Variants in DDX42 observed in about 807,000 individuals in gnomAD.
DDX42 encodes the protein DEAD-box helicase 42.
In DDX42, 22 loss-of-function variants were observed where a neutral mutation model predicts 101.5. That is an observed-to-expected ratio of 0.22 (90% CI 0.15 to 0.31). The LOEUF (loss-of-function observed/expected upper bound fraction) is 0.31. Among genes scored for constraint, DDX42 ranks in the 10% least tolerant of loss-of-function variants. DDX42 has a pLI of 1.00. For synonymous variants in DDX42, 402 were observed against 401.2 expected (o/e 1.00, Z -0.02); for missense variants, 849 against 1,199.9 (o/e 0.71, Z 4.32).
In DDX42 at chr17:63,785,738, A is replaced by G. The variant is rs145609159; in HGVS notation, c.-16-1296A>G. 5.7e-4 allele frequency among the ~76,000 whole-genome samples: 87 copies of G among 152,338 alleles called. 1 individual carries two copies. The East Asian group carries it at 0.014, about 25-fold the overall frequency. On this transcript the variant is annotated intron_variant, in intron 1 of 17. Transcript: ENST00000389924. ...ACAGGCTAACTGAATACTTCAGGCA[A>G]CATGTCAGTGAATCATAGTTTCTTC...
chr17:63,789,223 T>C (rs868210085), intron 2 of DDX42, among the ~76,000 whole-genome samples: 14 of 150,796 alleles, frequency 9.3e-5, no homozygotes, highest in Non-Finnish European at 1.5e-4. Flanking sequence ...GGATTACAGG[T>C]GCCTGCCACC....
intron 2 of DDX42, among the ~76,000 whole-genome samples, chr17:63,790,146 C>T (rs375129337): frequency 6.6e-6 from 1 of 151,692 alleles, no homozygotes. Flanking sequence ...GACTCTGTCT[C>T]TAAAAAAACA....
Position 63,818,430 on chromosome 17 carries a change from C to A in DDX42, c.*32C>A. 1 of 1,580,214 alleles carries A rather than the reference C, an allele frequency of 6.3e-7. No individual in the cohort carries two copies. The highest frequency in any genetic ancestry group is 1.1e-5 in the South Asian group (1 of 87,748). On this transcript the variant is annotated 3_prime_UTR_variant, in exon 18 of 18. Transcript: ENST00000389924. The stretch of plus-strand genomic sequence containing the variant: ...TGTGCTAAAGCGTGAAATCAGTTGT[C>A]CTTAATTTTTAGAAAGATTTTGGTA...
chr17:63,809,537 T>A, intron 10 of DDX42, 23 bp from the exon 11 acceptor site: 2 of 1,594,702 alleles, frequency 1.3e-6, no homozygotes, highest in Non-Finnish European at 8.6e-7. Context: ...TTATACTTAC[T>A]GTTCATTTTG....
chr17:63,806,478 T>C, intron 7 of DDX42, 57 bp from the exon 8 acceptor site: 1 of 1,537,084 alleles, frequency 6.5e-7, no homozygotes, highest in South Asian at 1.2e-5. Flanking sequence ...TTGTTGAACT[T>C]CAAATGCTGT....
intron 6 of DDX42, among the ~76,000 whole-genome samples, chr17:63,804,439 A>G (rs992651714): frequency 4.6e-5 from 7 of 152,198 alleles, no homozygotes; most frequent in African/African-American, 1.4e-4. Context: ...TTTAAAAGTT[A>G]TAAACAACTC....
At chr17:63,785,258 C>T (rs546340477) in intron 1 of DDX42, among the ~76,000 whole-genome samples, 6 of 148,338 alleles carry the variant, frequency 4.0e-5, no homozygotes, top group African/African-American at 1.2e-4. Context: ...CACTTGAGGC[C>T]AGGAGTTCCA....
intron 1 of DDX42, among the ~76,000 whole-genome samples, chr17:63,779,329 T>A (rs1335371194): frequency 6.6e-6 from 1 of 152,176 alleles, no homozygotes; most frequent in Non-Finnish European, 1.5e-5. Context: ...ATTGGCATGA[T>A]CTCGGCCCAC....
chr17:63,815,729 C>T (rs544381490), intron 16 of DDX42, 56 bp downstream of exon 16: 14 of 1,242,492 alleles, frequency 1.1e-5, no homozygotes, highest in African/African-American at 1.5e-5. Context: ...TCCTGAAAGT[C>T]ATTAGGAATA....
chr17:63,818,492 T>A lies in DDX42; in HGVS notation c.*94T>A. ...CAGGGCTGGGTTGGGGTCCAAAGTG[T>A]AAGGACCCCCTGCCCTTAGTGGAGA... On this transcript the variant is annotated 3_prime_UTR_variant, in exon 18 of 18. Coordinates refer to ENST00000389924, the MANE Select transcript of DDX42 (RefSeq NM_203499.3). 8.5e-7 allele frequency: 1 copy of A among 1,175,326 alleles called. No individual in the cohort carries two copies. The highest frequency in any genetic ancestry group is 1.2e-6 in the Non-Finnish European group (1 of 848,496). The allele number at this position is 1,175,326 out of a possible 1,614,324, so 72.8% of individuals were successfully genotyped here.
chr17:63,786,850 G>A (rs1312540310), intron 1 of DDX42, among the ~76,000 whole-genome samples, 184 bp from the exon 2 acceptor site: 2 of 152,066 alleles, frequency 1.3e-5, no homozygotes, highest in East Asian at 1.9e-4. Context: ...GCCAATTTTT[G>A]TATTTTTAGT....
intron 1 of DDX42, among the ~76,000 whole-genome samples, chr17:63,783,442 T>G (rs894965348): frequency 6.6e-6 from 1 of 152,218 alleles, no homozygotes; most frequent in Admixed American, 6.5e-5. Flanking sequence ...GAGATTAAAA[T>G]TGAGCCCATC....
intron 8 of DDX42, among the ~76,000 whole-genome samples, chr17:63,807,044 T>C (rs1019181797): frequency 2.0e-5 from 3 of 152,250 alleles, no homozygotes; most frequent in African/African-American, 7.2e-5. Flanking sequence ...TCTCATTTTC[T>C]GTATATGAAT....
intron 3 of DDX42, among the ~76,000 whole-genome samples, chr17:63,793,408 C>T (rs2039652411): frequency 6.6e-6 from 1 of 152,054 alleles, no homozygotes. Context: ...GCTGAGATTG[C>T]AGGTGTGCAC....
chr17:63,817,837 T>C lies in DDX42; in HGVS notation c.2256T>C (p.Pro752=). 4 of 1,614,196 alleles carry C rather than the reference T, an allele frequency of 2.5e-6. No individual in the cohort carries two copies. Among genetic ancestry groups the C allele is most frequent in the Non-Finnish European group, 3.4e-6 (4 of 1,180,036 alleles). Residue 752 remains proline (P), a synonymous_variant, in exon 18 of 18, where the codon CCT becomes CCC. Transcript: ENST00000389924. Reference sequence around the variant, plus strand: ...CAGCACAACAGGGCCATAACAGTCCTGACAGCCCCGTCACCAGTGCCGCCA... The same window carrying C: ...CAGCACAACAGGGCCATAACAGTCCCGACAGCCCCGTCACCAGTGCCGCCA... ...TNSAQQGHNS[P]DSPVTSAAKG...
Position 63,790,527 on chromosome 17 carries a change from G to A in DDX42, c.222-1885G>A, listed in dbSNP as rs137992940. Among the ~76,000 whole-genome samples the A allele has an allele frequency of 9.4e-3, 1,431 of 152,284 alleles. 19 individuals are homozygous for A. Among genetic ancestry groups the A allele is most frequent in the African/African-American group, 0.033 (1,383 of 41,548 alleles). ...TGTAATCCCAGCACTTTGGAAGGCC[G>A]AGGCGGGCGGATCGCCTGAAGTCAG... On this transcript the variant is annotated intron_variant, in intron 2 of 17. Transcript: ENST00000389924.
chr17:63,793,252 T>G (rs952299973), intron 3 of DDX42, among the ~76,000 whole-genome samples: 1 of 135,520 alleles, frequency 7.4e-6, no homozygotes, highest in Non-Finnish European at 1.5e-5. Flanking sequence ...TTCCTTTCTC[T>G]TTTTTTTTTT....
chr17:63,786,552 G>C (rs948200155), intron 1 of DDX42, among the ~76,000 whole-genome samples: 7 of 152,222 alleles, frequency 4.6e-5, no homozygotes, highest in Non-Finnish European at 1.0e-4. Context: ...AGCCTCCCAA[G>C]TAGTTGGCAT....
intron 1 of DDX42, among the ~76,000 whole-genome samples, chr17:63,781,271 G>A (rs1712663121): frequency 6.6e-6 from 1 of 152,180 alleles, no homozygotes; most frequent in African/African-American, 2.4e-5. Flanking sequence ...AGGCTGGAGT[G>A]TAGTAGCCGG....
Sources: gnomAD v4.1 joint callset for allele counts (sites outside exome capture counted in the v4.1 genomes callset) on GRCh38, gnomAD v4.1.1 for gene constraint, MANE v1.5 for transcripts, NCBI Gene and HGNC (gene_info 2026-07-23, HGNC 2026-07-21) for gene names.